PRKG1: variants seen among roughly 807,000 people sequenced by gnomAD.
The protein encoded by PRKG1 is cGMP-dependent protein kinase 1.
PRKG1 carries 35 observed loss-of-function variants against 88.1 expected under a neutral mutation model. That is an observed-to-expected ratio of 0.40 (90% CI 0.30 to 0.53). The LOEUF (loss-of-function observed/expected upper bound fraction) is 0.53, where lower values mean the gene tolerates loss of function less well. Ranked by LOEUF, PRKG1 falls within the 20% of genes least tolerant of loss-of-function variation. The probability of loss-of-function intolerance (pLI) is 0.59; values close to 1 mark genes in which losing one functional copy is unlikely to be tolerated. For synonymous variants in PRKG1, 303 were observed against 292.5 expected, an observed-to-expected ratio of 1.04 and a Z score of -0.37; for missense variants, 540 against 839.8, an observed-to-expected ratio of 0.64 and a Z score of 4.41.
At chr10:51,602,248 A>G (rs1398957648) in intron 3 of PRKG1, among the ~76,000 whole-genome samples, 1 of 152,182 alleles carries the variant, frequency 6.6e-6, no homozygotes, top group Non-Finnish European at 1.5e-5. Flanking sequence ...AAACTGGTAA[A>G]TGGAACTATT....
intron 3 of PRKG1, among the ~76,000 whole-genome samples, chr10:51,660,378 A>G (rs1458842453): frequency 6.6e-6 from 1 of 151,962 alleles, no homozygotes; most frequent in Non-Finnish European, 1.5e-5. Flanking sequence ...GTAAAAAATA[A>G]TGTGAATGTG....
chr10:51,892,417 G>T (rs1302948831), intron 4 of PRKG1, among the ~76,000 whole-genome samples: 2 of 152,120 alleles, frequency 1.3e-5, no homozygotes, highest in African/African-American at 2.4e-5. Flanking sequence ...TAAGGATTAA[G>T]AGTCCTAGAC....
At chr10:51,032,322 G>A (rs1267718568) in intron 1 of PRKG1, among the ~76,000 whole-genome samples, 2 of 150,858 alleles carry the variant, frequency 1.3e-5, no homozygotes, top group African/African-American at 2.4e-5. Context: ...AGGTCTCTTG[G>A]CAACTCTCAT....
chr10:52,271,297 G>T, intron 10 of PRKG1, 53 bp from the exon 11 acceptor site: 1 of 1,563,552 alleles, frequency 6.4e-7, no homozygotes, highest in Non-Finnish European at 8.8e-7. Flanking sequence ...GGATAATAAT[G>T]CACTCTTACA....
chr10:51,374,093 A>AAAAATATATATATATAT lies in PRKG1; in HGVS notation c.479-93629_479-93628insAAATATATATATATATA. ...GCTGGCAGAGGTTGCAAAAAAAAAA[A>AAAAATATATATATATAT]ATATATATATATATATATATGTACT... is the stretch of plus-strand genomic sequence containing the variant. On this transcript the variant is annotated intron_variant, in intron 2 of 17. Coordinates refer to ENST00000373980, the MANE Select transcript of PRKG1 (RefSeq NM_006258.4). 2.3e-4 allele frequency among the ~76,000 whole-genome samples: 23 copies of AAAAATATATATATATAT among 100,172 alleles called. 1 individual carries two copies. The highest frequency in any genetic ancestry group is 3.3e-4 in the Non-Finnish European group (15 of 45,370). The allele number at this position is 100,172 out of a possible 152,430, so 65.7% of individuals were successfully genotyped here.
intron 5 of PRKG1, among the ~76,000 whole-genome samples, chr10:52,032,035 C>G (rs1286983806): frequency 6.6e-6 from 1 of 152,108 alleles, no homozygotes; most frequent in Non-Finnish European, 1.5e-5. Context: ...AGCAAGAGAT[C>G]TGAATATTAT....
chr10:50,993,015 G>A (rs750918141), intron 1 of PRKG1, among the ~76,000 whole-genome samples: 17 of 152,172 alleles, frequency 1.1e-4, no homozygotes, highest in Non-Finnish European at 2.2e-4. Flanking sequence ...AAGCTCTTCT[G>A]AAGAGCATGT....
upstream of PRKG1, among the ~76,000 whole-genome samples, chr10:51,072,053 G>A (rs535562633): frequency 2.6e-5 from 4 of 152,094 alleles, no homozygotes; most frequent in Non-Finnish European, 4.4e-5. Context: ...AAAACTAGCC[G>A]GCGTGGTGGC....
chr10:51,034,664 TTA>T (rs1358998537), intron 1 of PRKG1, among the ~76,000 whole-genome samples: 20 of 9,940 alleles, frequency 2.0e-3, no homozygotes, highest in African/African-American at 8.5e-3. Flanking sequence ...ATATAATATG[TTA>T]TTTATATATA....
intron 2 of PRKG1, among the ~76,000 whole-genome samples, chr10:51,300,387 G>T (rs1260925701): frequency 6.6e-6 from 1 of 152,174 alleles, no homozygotes; most frequent in Non-Finnish European, 1.5e-5. Flanking sequence ...ATTTATGAAA[G>T]TTGTGGGACA....
Position 51,840,460 on chromosome 10 carries a change from G to A in PRKG1, c.698+35770G>A, listed in dbSNP as rs373553788. ...ATATGGATCATGCAGGTTCTCAGGA[G>A]ACTCAGAATACAACTTTTGTTTTGT... On this transcript the variant is annotated intron_variant, in intron 4 of 17. Coordinates refer to ENST00000373980, the MANE Select transcript of PRKG1 (RefSeq NM_006258.4). Among the ~76,000 whole-genome samples, 11 of 152,088 alleles carry A rather than the reference G, an allele frequency of 7.2e-5. No individual in the cohort carries two copies. In the East Asian group the frequency reaches 1.9e-3, roughly 27 times the overall value.
chr10:51,330,337 G>T (rs1487088489), intron 2 of PRKG1, among the ~76,000 whole-genome samples: 1 of 151,728 alleles, frequency 6.6e-6, no homozygotes, highest in Non-Finnish European at 1.5e-5. Context: ...TTTTAGTAGA[G>T]ATGGGGTTTC....
intron 9 of PRKG1, among the ~76,000 whole-genome samples, chr10:52,211,444 C>T (rs992755764): frequency 4.6e-5 from 7 of 151,966 alleles, no homozygotes; most frequent in African/African-American, 1.2e-4. Context: ...ACCAGCTGTC[C>T]GGTTGTAGGT....
chr10:52,083,982 G>T (rs1001116089), intron 7 of PRKG1, among the ~76,000 whole-genome samples: 9 of 152,114 alleles, frequency 5.9e-5, no homozygotes, highest in Non-Finnish European at 1.0e-4. Flanking sequence ...TCAAATTCAA[G>T]TTTACATGAA....
At chr10:51,375,176 C>T (rs1842792610) in intron 2 of PRKG1, among the ~76,000 whole-genome samples, 1 of 152,154 alleles carries the variant, frequency 6.6e-6, no homozygotes. Flanking sequence ...CAGGGGTCAT[C>T]TTAGAGTCTA....
Position 51,878,471 on chromosome 10 carries a change from G to C in PRKG1, c.699-29036G>C, listed in dbSNP as rs150688626. On this transcript the variant is annotated intron_variant, in intron 4 of 17. Coordinates refer to ENST00000373980, the MANE Select transcript of PRKG1 (RefSeq NM_006258.4). ...TAAAAATATTCAGAGCAAATTAGCT[G>C]TCCCTATACCAGATAAAACTACTCA... 2.9e-4 allele frequency among the ~76,000 whole-genome samples: 44 copies of C among 152,190 alleles called. No homozygotes were observed. In the East Asian group the frequency reaches 5.8e-3, roughly 20 times the overall value.
In PRKG1 at chr10:52,251,730, A is replaced by G. The variant is rs1841177030; in HGVS notation, c.1173+64A>G. 2.3e-6 allele frequency: 3 copies of G among 1,309,408 alleles called. No individual in the cohort carries two copies. The Admixed American group carries it at 5.7e-5, about 25-fold the overall frequency. 81.1% of individuals were successfully genotyped at this position (1,309,408 alleles called of 1,614,324 possible). A position where few individuals can be genotyped will look rare whatever the true frequency, so the allele number is the denominator to read the frequency against. ...CTTCCTTTTTAATTTTTTCCCCTAGATTAAGATTTCTTTCTTTTCTCTTGT... is the reference window on the plus strand; with the variant it reads ...CTTCCTTTTTAATTTTTTCCCCTAGGTTAAGATTTCTTTCTTTTCTCTTGT... On this transcript the variant is annotated intron_variant, in intron 10 of 17. Transcript: ENST00000373980.
chr10:52,114,393 A>G (rs1457323445), intron 7 of PRKG1, among the ~76,000 whole-genome samples: 1 of 152,034 alleles, frequency 6.6e-6, no homozygotes, highest in Non-Finnish European at 1.5e-5. Context: ...GACAGATAGT[A>G]GGTATTCTAG....
At chr10:52,198,858 T>C (rs572038998) in intron 9 of PRKG1, among the ~76,000 whole-genome samples, 1 of 152,084 alleles carries the variant, frequency 6.6e-6, no homozygotes, top group Admixed American at 6.6e-5. Context: ...GCTCACTCTG[T>C]TTCCTTTTCT....
Sources: allele counts gnomAD v4.1 joint callset (sites outside exome capture counted in the v4.1 genomes callset), GRCh38; gene constraint gnomAD v4.1.1; transcripts MANE v1.5; gene names NCBI Gene and HGNC (gene_info 2026-07-23, HGNC 2026-07-21).